The following TOX variants were observed in gnomAD, a reference collection of about 807,000 sequenced individuals.
TOX encodes thymocyte selection associated high mobility group box, also known as thymocyte selection-associated high mobility group box protein TOX.
Under a neutral mutation model 53.7 loss-of-function variants are expected in TOX, and 11 were observed. The ratio of observed to expected loss-of-function variants is 0.20; its 90% CI spans 0.13 to 0.34. The LOEUF (loss-of-function observed/expected upper bound fraction) is 0.34, where lower values mean the gene tolerates loss of function less well. Among genes scored for constraint, TOX ranks in the 10% least tolerant of loss-of-function variants. TOX has a pLI of 1.00. For missense variants in TOX, 570 were observed against 664.6 expected, an observed-to-expected ratio of 0.86 and a Z score of 1.56; for synonymous variants, 225 against 245.3, an observed-to-expected ratio of 0.92 and a Z score of 0.77.
At chr8:58,931,565 C>A (rs1585908258) in intron 3 of TOX, among the ~76,000 whole-genome samples, 1 of 152,140 alleles carries the variant, frequency 6.6e-6, no homozygotes, top group Non-Finnish European at 1.5e-5. Flanking sequence ...TAATAAGGAA[C>A]TTCCTGGAAA....
At chr8:58,812,236 A>T (rs1585837889) in intron 7 of TOX, among the ~76,000 whole-genome samples, 1 of 151,590 alleles carries the variant, frequency 6.6e-6, no homozygotes, top group African/African-American at 2.4e-5. Context: ...GGGGTGGTGG[A>T]CTCCCTTTTT....
rs980301558 is a variant in TOX, at chr8:58,987,159, A to G, written c.103-27151T>C. Reference sequence around the variant, plus strand: ...AAATTGGGGGTAGTTATTTGACTCTAGAAAATCCCTAAATTTGCATAACGA... The same window carrying G: ...AAATTGGGGGTAGTTATTTGACTCTGGAAAATCCCTAAATTTGCATAACGA... On this transcript the variant is annotated intron_variant, in intron 1 of 8. Coordinates refer to ENST00000361421, the MANE Select transcript of TOX (RefSeq NM_014729.3). 2.0e-5 allele frequency among the ~76,000 whole-genome samples: 3 copies of G among 152,328 alleles called. No homozygotes were observed. The South Asian group carries it at 6.2e-4, about 32-fold the overall frequency.
chr8:59,021,729 G>A (rs1814139787), intron 1 of TOX, among the ~76,000 whole-genome samples: 1 of 151,584 alleles, frequency 6.6e-6, no homozygotes, highest in African/African-American at 2.4e-5. Context: ...ACCATAAACT[G>A]GTATATACCA....
chr8:59,053,860 T>A (rs1179984866), intron 1 of TOX, among the ~76,000 whole-genome samples: 1 of 152,186 alleles, frequency 6.6e-6, no homozygotes, highest in East Asian at 1.9e-4. Context: ...AGCAATAATT[T>A]TGCCTACTTT....
intron 1 of TOX, among the ~76,000 whole-genome samples, chr8:59,026,799 T>C (rs1246411336): frequency 2.0e-5 from 3 of 152,012 alleles, no homozygotes; most frequent in Non-Finnish European, 2.9e-5. Context: ...TTTCTGCCTG[T>C]CTTGCCCCAG....
At chr8:59,058,671 C>T (rs533454506) in intron 1 of TOX, among the ~76,000 whole-genome samples, 215 of 152,228 alleles carry the variant, frequency 1.4e-3, no homozygotes, top group Admixed American at 0.011. Context: ...AGCATGCTGA[C>T]TATGATGAGT....
intron 2 of TOX, among the ~76,000 whole-genome samples, chr8:58,955,009 A>C (rs1812686981): frequency 6.6e-6 from 1 of 152,216 alleles, no homozygotes; most frequent in South Asian, 2.1e-4. Flanking sequence ...GGTAGAAATC[A>C]AACCTTAAAT....
At chr8:58,845,185 A>C (rs986835335) in intron 4 of TOX, among the ~76,000 whole-genome samples, 1 of 152,168 alleles carries the variant, frequency 6.6e-6, no homozygotes, top group African/African-American at 2.4e-5. Flanking sequence ...AAAGCCTTTA[A>C]TGGAGCTGGG....
chr8:59,032,810 A>C (rs2129420133), intron 1 of TOX, among the ~76,000 whole-genome samples: 1 of 152,188 alleles, frequency 6.6e-6, no homozygotes. Flanking sequence ...AGGTGGGTAG[A>C]TCTCTTGAGG....
intron 2 of TOX, among the ~76,000 whole-genome samples, chr8:58,949,725 T>C (rs909361457): frequency 1.3e-5 from 2 of 152,126 alleles, no homozygotes; most frequent in Non-Finnish European, 2.9e-5. Flanking sequence ...AAAAGAAATG[T>C]GTTAAATTGA....
chr8:58,925,493 C>T (rs1159258648), intron 3 of TOX, among the ~76,000 whole-genome samples: 1 of 152,216 alleles, frequency 6.6e-6, no homozygotes, highest in Admixed American at 6.5e-5. Flanking sequence ...TCACAAGCAT[C>T]TATGACAATT....
At chr8:58,979,187 G>A (rs1180948950) in intron 1 of TOX, among the ~76,000 whole-genome samples, 4 of 152,170 alleles carry the variant, frequency 2.6e-5, no homozygotes, top group Non-Finnish European at 4.4e-5. Context: ...TCATAAAGAG[G>A]CAATGCCACA....
At chr8:59,092,874 C>T (rs1804649782) in intron 1 of TOX, among the ~76,000 whole-genome samples, 1 of 152,144 alleles carries the variant, frequency 6.6e-6, no homozygotes, top group Admixed American at 6.5e-5. Context: ...CCTTTACCTC[C>T]CCGTGCCTAG....
intron 1 of TOX, among the ~76,000 whole-genome samples, chr8:58,987,559 T>C (rs1813355676): frequency 6.6e-6 from 1 of 152,170 alleles, no homozygotes; most frequent in South Asian, 2.1e-4. Context: ...GAAGTACTAA[T>C]TCTGATTGGA....
At chr8:59,098,088 T>C (rs1419527435) in intron 1 of TOX, among the ~76,000 whole-genome samples, 2 of 150,196 alleles carry the variant, frequency 1.3e-5, no homozygotes, top group Admixed American at 1.3e-4. Context: ...AGAGTGACAA[T>C]GAGCTGAAGT....
chr8:58,921,409 C>G (rs967254531), intron 3 of TOX, among the ~76,000 whole-genome samples: 5 of 152,176 alleles, frequency 3.3e-5, no homozygotes, highest in African/African-American at 1.2e-4. Context: ...AGACACAGAT[C>G]TATATGACAA....
intron 1 of TOX, among the ~76,000 whole-genome samples, chr8:59,098,328 C>G (rs1473364424): frequency 6.6e-6 from 1 of 151,978 alleles, no homozygotes; most frequent in African/African-American, 2.4e-5. Flanking sequence ...ATGTGTGAAC[C>G]AAAAAGGTTA....
chr8:59,083,999 T>C (rs1206316616), intron 1 of TOX, among the ~76,000 whole-genome samples: 2 of 152,184 alleles, frequency 1.3e-5, no homozygotes, highest in African/African-American at 4.8e-5. Flanking sequence ...CTATACTCAA[T>C]GTTTTAGGTA....
At chr8:59,010,623 T>C (rs944204549) in intron 1 of TOX, among the ~76,000 whole-genome samples, 2 of 152,198 alleles carry the variant, frequency 1.3e-5, no homozygotes, top group African/African-American at 4.8e-5. Context: ...ACCTTCTGGG[T>C]CTCAGTCTTT....
Sources: gnomAD v4.1 joint callset for allele counts (sites outside exome capture counted in the v4.1 genomes callset) on GRCh38, gnomAD v4.1.1 for gene constraint, MANE v1.5 for transcripts, NCBI Gene and HGNC (gene_info 2026-07-23, HGNC 2026-07-21) for gene names.